ZNF558: variants seen among roughly 807,000 people sequenced by gnomAD.
The protein encoded by ZNF558 is zinc finger protein 558.
ZNF558 carries 23 observed loss-of-function variants against 37.6 expected under a neutral mutation model. The ratio of observed to expected loss-of-function variants is 0.61; its 90% CI spans 0.44 to 0.87. ZNF558 has a LOEUF of 0.87. Ranked by LOEUF, ZNF558 falls within the 40% of genes least tolerant of loss-of-function variation. The probability of loss-of-function intolerance (pLI) is 0.00; values close to 1 mark genes in which losing one functional copy is unlikely to be tolerated. For missense variants in ZNF558, 429 were observed against 483.7 expected (o/e 0.89, Z 1.06); for synonymous variants, 189 against 174.4 (o/e 1.08, Z -0.66).
chr19:8,825,663 A>G (rs180752589), intron 2 of ZNF558, among the ~76,000 whole-genome samples: 17 of 152,300 alleles, frequency 1.1e-4, no homozygotes, highest in Non-Finnish European at 2.1e-4. Flanking sequence ...ACATGAACCC[A>G]AAAGATAAAA....
rs1400531693 is a variant in ZNF558 at position 8,807,316 on chromosome 19, T to C, written c.*3965A>G. The C allele has an allele frequency of 6.6e-6, 1 of 152,340 alleles. No homozygotes were observed. Among genetic ancestry groups the C allele is most frequent in the Non-Finnish European group, 1.5e-5 (1 of 68,172 alleles). The allele number at this position is 152,340 out of a possible 1,614,324, so 9.4% of individuals were successfully genotyped here. On this transcript the variant is annotated 3_prime_UTR_variant, in exon 10 of 10. Transcript: ENST00000601372. ...GCTAAGCTGCTGGGTGCTTTACAAC[T>C]TTTTGTGGTTTCCCTGGATCCTGTC...
At chr19:8,833,630 T>G (rs1021271670), upstream of ZNF558, 1 of 152,196 alleles carries the variant, frequency 6.6e-6, no homozygotes, top group Non-Finnish European at 1.5e-5. Flanking sequence ...TAGTTGTGAG[T>G]TGGGCAGGAG....
At position 8,811,125 on chromosome 19, in the gene ZNF558, T is replaced by A; in HGVS notation, c.*156A>T. ...TTGAATTCCTGATCTGTAGAAATTG[T>A]TAGAGAATAAACATTTCGTGTTTGA... On this transcript the variant is annotated 3_prime_UTR_variant, in exon 10 of 10. Coordinates refer to ENST00000601372, the MANE Select transcript of ZNF558 (RefSeq NM_144693.3). 1.5e-6 allele frequency: 1 copy of A among 654,484 alleles called. No individual in the cohort carries two copies. The highest frequency in any genetic ancestry group is 2.2e-5 in the South Asian group (1 of 45,054). The allele number at this position is 654,484 out of a possible 1,614,324, so 40.5% of individuals were successfully genotyped here.
At chr19:8,814,166 T>C (rs1158653202) in intron 7 of ZNF558, among the ~76,000 whole-genome samples, 2 of 152,152 alleles carry the variant, frequency 1.3e-5, no homozygotes, top group African/African-American at 4.8e-5. Context: ...TAAGAGAGCT[T>C]TATGATACTT....
At chr19:8,827,216 T>A (rs919687550) in intron 2 of ZNF558, among the ~76,000 whole-genome samples, 3 of 152,188 alleles carry the variant, frequency 2.0e-5, no homozygotes, top group African/African-American at 7.2e-5. Context: ...GATGGGCCAC[T>A]CTATGTCAGC....
chr19:8,827,047 A>T (rs1453394817), intron 2 of ZNF558, among the ~76,000 whole-genome samples: 1 of 152,118 alleles, frequency 6.6e-6, no homozygotes, highest in Non-Finnish European at 1.5e-5. Context: ...AGAAAAAAAC[A>T]AGTAGAGAAG....
At chr19:8,817,647 A>G (rs763305790) in intron 7 of ZNF558, among the ~76,000 whole-genome samples, 1 of 152,114 alleles carries the variant, frequency 6.6e-6, no homozygotes, top group Non-Finnish European at 1.5e-5. Context: ...CATACTGTCT[A>G]TAAGACACTT....
chr19:8,832,992 G>C (rs1410530361), upstream of ZNF558: 1 of 153,700 alleles, frequency 6.5e-6, no homozygotes, highest in Non-Finnish European at 1.4e-5. Context: ...CCTGGGGGCG[G>C]GGCTGACTGT....
chr19:8,828,684 G>A (rs573489494), intron 2 of ZNF558, among the ~76,000 whole-genome samples: 23 of 152,216 alleles, frequency 1.5e-4, no homozygotes, highest in African/African-American at 4.6e-4. Flanking sequence ...TTGCCTAGCC[G>A]GGCACGGTGG....
chr19:8,816,112 G>A (rs537286525), intron 7 of ZNF558, among the ~76,000 whole-genome samples: 76 of 152,032 alleles, frequency 5.0e-4, no homozygotes, highest in African/African-American at 1.7e-3. Flanking sequence ...TGTCACCCAC[G>A]CTGGAGTGCA....
rs1214774763 is a variant in ZNF558 at position 8,807,329 on chromosome 19, C to T, written c.*3952G>A. 6.6e-6 allele frequency: 1 copy of T among 152,304 alleles called. No homozygotes were observed. Among genetic ancestry groups the T allele is most frequent in the Non-Finnish European group, 1.5e-5 (1 of 68,162 alleles). The allele number at this position is 152,304 out of a possible 1,614,324, so 9.4% of individuals were successfully genotyped here. On this transcript the variant is annotated 3_prime_UTR_variant, in exon 10 of 10. Transcript: ENST00000601372. ...GTGCTTTACAACTTTTTGTGGTTTCCCTGGATCCTGTCCACAGGACTGAGT... is the reference window on the plus strand; with the variant it reads ...GTGCTTTACAACTTTTTGTGGTTTCTCTGGATCCTGTCCACAGGACTGAGT...
At chr19:8,834,137 G>A (rs934445686), upstream of ZNF558, among the ~76,000 whole-genome samples, 2 of 152,156 alleles carry the variant, frequency 1.3e-5, no homozygotes, top group African/African-American at 4.8e-5. Context: ...TCATGCACCC[G>A]TCCTTTCAGA....
intron 2 of ZNF558, among the ~76,000 whole-genome samples, chr19:8,827,103 T>C (rs182148688): frequency 6.8e-6 from 1 of 147,242 alleles, no homozygotes; most frequent in East Asian, 2.0e-4. Context: ...CAAGGCTGTC[T>C]GGAAGCAGAA....
At chr19:8,835,311 C>G (rs974585668), upstream of ZNF558, among the ~76,000 whole-genome samples, 11 of 152,090 alleles carry the variant, frequency 7.2e-5, no homozygotes, top group Non-Finnish European at 1.3e-4. Context: ...CTTGGCCTCC[C>G]TAAGTGCTGG....
intron 2 of ZNF558, among the ~76,000 whole-genome samples, chr19:8,830,003 C>T (rs974703784): frequency 6.6e-6 from 1 of 152,174 alleles, no homozygotes; most frequent in Admixed American, 6.5e-5. Context: ...ACCCAAATCT[C>T]ATCTCGAGTT....
intron 2 of ZNF558, among the ~76,000 whole-genome samples, chr19:8,825,942 G>A (rs1422975984): frequency 6.6e-6 from 1 of 152,204 alleles, no homozygotes; most frequent in African/African-American, 2.4e-5. Context: ...GGCCCACTGT[G>A]ATTACAGGGG....
At chr19:8,821,143 A>C in intron 7 of ZNF558, 37 bp downstream of exon 7, 1 of 1,607,116 alleles carries the variant, frequency 6.2e-7, no homozygotes, top group Non-Finnish European at 8.5e-7. Context: ...TTGCCACTGG[A>C]GTCATTAAAT....
intron 2 of ZNF558, among the ~76,000 whole-genome samples, chr19:8,830,615 G>A (rs1180595798): frequency 1.3e-5 from 2 of 152,188 alleles, no homozygotes; most frequent in Non-Finnish European, 2.9e-5. Context: ...TCAACAGCTG[G>A]GTGCGGTGGC....
chr19:8,828,704 G>GTAATCCCA (rs2044285166), intron 2 of ZNF558, among the ~76,000 whole-genome samples: 1 of 152,156 alleles, frequency 6.6e-6, no homozygotes, highest in African/African-American at 2.4e-5. Flanking sequence ...GCTCATGTCT[G>GTAATCCCA]TAATCCCAGC....
Sources: gnomAD v4.1 joint callset for allele counts (sites outside exome capture counted in the v4.1 genomes callset) on GRCh38, gnomAD v4.1.1 for gene constraint, MANE v1.5 for transcripts, NCBI Gene and HGNC (gene_info 2026-07-23, HGNC 2026-07-21) for gene names.